The following BLNK variants were observed in gnomAD, a reference collection of about 807,000 sequenced individuals.
BLNK encodes the protein B-cell linker protein.
A neutral mutation model predicts 73.5 loss-of-function variants in BLNK; 29 were observed. The ratio of observed to expected loss-of-function variants is 0.39; its 90% confidence interval spans 0.29 to 0.54. BLNK has a LOEUF of 0.54. Among genes scored for constraint, BLNK ranks in the 20% least tolerant of loss-of-function variants. The pLI, the probability that BLNK is intolerant of heterozygous loss-of-function variation, is 0.61. For missense variants in BLNK, 460 were observed against 562.8 expected (o/e 0.82, Z 1.85); for synonymous variants, 176 against 200.8 (o/e 0.88, Z 1.04).
intron 9 of BLNK, among the ~76,000 whole-genome samples, chr10:96,208,719 A>G (rs1304112675): frequency 2.0e-5 from 3 of 152,212 alleles, no homozygotes; most frequent in Non-Finnish European, 4.4e-5. Flanking sequence ...TGAGAGCTGA[A>G]GTGTGGGGGA....
Position 96,216,752 on chromosome 10 carries a change from C to G in BLNK, c.526-18G>C. The G allele has an allele frequency of 3.7e-6, 6 of 1,605,692 alleles. No homozygotes were observed. Among genetic ancestry groups the G allele is most frequent in the Non-Finnish European group, 5.1e-6 (6 of 1,172,478 alleles). On this transcript the variant is annotated intron_variant, in intron 6 of 16. Transcript: ENST00000224337. ...TAATCAGCCTAACAGAAATACAAAA[C>G]TGAATGAGAAGAATGCTGTACATTC...
Position 96,200,986 on chromosome 10 carries a change from T to C in BLNK, c.1007A>G (p.Glu336Gly), listed in dbSNP as rs782317167. The change falls in exon 14 of 17, where the codon GAA becomes GGA. Residue 336 changes from glutamate (E) to glycine (G), a missense_variant. Glu to Gly is a moderately conservative substitution (Grantham distance 98, BLOSUM62 -2). Transcript: ENST00000224337. This position sits in a 1 kb window ranked among gnomAD's most constrained non-coding sequence, Gnocchi z 4.3. The stretch of plus-strand genomic sequence containing the variant: ...CATCAAGAGTTCATTTCATACCTGT[T>C]CTGAAATAGTGGAATTAGATGAAAA... ...PSFSSNSTIS[E>G]QEAGVLCKPW... 1.2e-6 allele frequency: 2 copies of C among 1,613,904 alleles called. No individual in the cohort carries two copies. Among genetic ancestry groups the C allele is most frequent in the South Asian group, 2.2e-5 (2 of 91,078 alleles).
rs782002822 is a variant in BLNK, at chr10:96,230,867, G to A, written c.164-33C>T. The stretch of plus-strand genomic sequence containing the variant: ...AGCAGGGGAGAAGCAGAAGGCACAA[G>A]TGTGAGCCTCAGCTGGCCAGCCCCA... On this transcript the variant is annotated intron_variant, in intron 3 of 16. Transcript: ENST00000224337. The A allele has an allele frequency of 2.5e-6, 4 of 1,607,040 alleles. No individual in the cohort carries two copies. The Admixed American group carries it at 5.1e-5, about 20-fold the overall frequency.
chr10:96,193,766 A>C (rs1296529507), intron 16 of BLNK, among the ~76,000 whole-genome samples: 2 of 152,200 alleles, frequency 1.3e-5, no homozygotes, highest in Non-Finnish European at 2.9e-5. Flanking sequence ...ACAGTGCCAA[A>C]ATAGCTGCAT....
In BLNK at chr10:96,200,069, TC is replaced by T; in HGVS notation, c.1095+5del. The T allele has an allele frequency of 1.3e-6, 2 of 1,519,860 alleles. No individual in the cohort carries two copies. The highest frequency in any genetic ancestry group is 1.4e-5 in the South Asian group (1 of 70,940). 94.1% of individuals were successfully genotyped at this position (1,519,860 alleles called of 1,614,324 possible). ...TAAAAATAATAAATAATAAAAATGA[TC>T]AGACCTTGTTTGATCTGTGCAATGC... On this transcript the variant is annotated splice_donor_5th_base_variant and intron_variant, in intron 15 of 16. Coordinates refer to ENST00000224337, the MANE Select transcript of BLNK (RefSeq NM_013314.4). This position sits in a 1 kb window ranked among gnomAD's most constrained non-coding sequence, Gnocchi z 4.3.
At chr10:96,204,493 A>G (rs782199404) in intron 12 of BLNK, 39 bp downstream of exon 12, 40 of 1,595,154 alleles carry the variant, frequency 2.5e-5, no homozygotes, top group Non-Finnish European at 3.3e-5. Context: ...TTCCTGCAGC[A>G]ACAAGAGGAA....
intron 1 of BLNK, among the ~76,000 whole-genome samples, chr10:96,266,701 A>G (rs946009701): frequency 6.6e-6 from 1 of 152,216 alleles, no homozygotes; most frequent in African/African-American, 2.4e-5. Flanking sequence ...CGGTCCAGGA[A>G]GTGGATCTAA....
In BLNK at chr10:96,191,799, G is replaced by T; in HGVS notation, c.*174C>A. On this transcript the variant is annotated 3_prime_UTR_variant, in exon 17 of 17. Coordinates refer to ENST00000224337, the MANE Select transcript of BLNK (RefSeq NM_013314.4). ...TTCATCAGGTCAGGCAATAGAACAA[G>T]TCCACATGAGCTTCTTAAAAAGAAA... 2 of 779,644 alleles carry T rather than the reference G, an allele frequency of 2.6e-6. No individual in the cohort carries two copies. Among genetic ancestry groups the T allele is most frequent in the Non-Finnish European group, 2.1e-6 (1 of 476,852 alleles). The allele number at this position is 779,644 out of a possible 1,614,324, so 48.3% of individuals were successfully genotyped here. A position where few individuals can be genotyped will look rare whatever the true frequency, so the allele number is the denominator to read the frequency against.
intron 8 of BLNK, among the ~76,000 whole-genome samples, chr10:96,211,542 C>T (rs1554898713): frequency 6.6e-6 from 1 of 152,230 alleles, no homozygotes; most frequent in East Asian, 1.9e-4. Flanking sequence ...GGCTTCTACT[C>T]AGAGCCCACT....
intron 4 of BLNK, 138 bp downstream of exon 4, chr10:96,230,656 C>T: frequency 1.0e-6 from 1 of 972,756 alleles, no homozygotes; most frequent in Non-Finnish European, 1.6e-6. Flanking sequence ...TGCAGTATGC[C>T]TTGCCTGTAG....
chr10:96,244,337 T>G (rs1554907071), intron 2 of BLNK, among the ~76,000 whole-genome samples: 2 of 152,220 alleles, frequency 1.3e-5, no homozygotes, highest in South Asian at 2.1e-4. Context: ...TATCCATTAT[T>G]ACTATCATTT....
intron 1 of BLNK, among the ~76,000 whole-genome samples, chr10:96,249,999 G>A (rs1163255165): frequency 1.3e-5 from 2 of 152,192 alleles, no homozygotes; most frequent in Non-Finnish European, 2.9e-5. Flanking sequence ...CTACGTAAGT[G>A]AGGTACCCAC....
At chr10:96,204,506 T>C in intron 12 of BLNK, 26 bp downstream of exon 12, 1 of 1,609,516 alleles carries the variant, frequency 6.2e-7, no homozygotes. Context: ...AAGAGGAAAC[T>C]GATCTTTAAA....
chr10:96,268,617 A>G (rs1370025081), intron 1 of BLNK, among the ~76,000 whole-genome samples: 2 of 152,112 alleles, frequency 1.3e-5, no homozygotes, highest in Non-Finnish European at 2.9e-5. Flanking sequence ...GTGATGACCC[A>G]TCCCCACTGG....
At chr10:96,241,015 C>A (rs140036203) in intron 3 of BLNK, among the ~76,000 whole-genome samples, 227 of 152,340 alleles carry the variant, frequency 1.5e-3, no homozygotes, top group African/African-American at 4.9e-3. Context: ...GTACTGGCAT[C>A]CCCTGACCAA....
At chr10:96,211,651 C>T (rs1372064485) in intron 8 of BLNK, among the ~76,000 whole-genome samples, 3 of 152,138 alleles carry the variant, frequency 2.0e-5, no homozygotes, top group African/African-American at 7.2e-5. Flanking sequence ...GAAGCAATGC[C>T]CCCTCCATGA....
In BLNK at chr10:96,246,339, G is replaced by A. The variant is rs970039262; in HGVS notation, c.113+645C>T. Among the ~76,000 whole-genome samples the A allele has an allele frequency of 2.0e-5, 3 of 152,112 alleles. 1 individual carries two copies. Among genetic ancestry groups the A allele is most frequent in the Admixed American group, 2.0e-4 (3 of 15,270 alleles). On this transcript the variant is annotated intron_variant, in intron 2 of 16. Transcript: ENST00000224337. ...AGGCTGAGGCGGGCGGATCACCTGA[G>A]GTCAGGAGTTCAAGACCAGCCTGAC... is the stretch of plus-strand genomic sequence containing the variant.
intron 3 of BLNK, among the ~76,000 whole-genome samples, chr10:96,234,583 A>C (rs1842629674): frequency 6.6e-6 from 1 of 152,212 alleles, no homozygotes; most frequent in African/African-American, 2.4e-5. Flanking sequence ...TCACCCGTAA[A>C]GCAAGGATAA....
At chr10:96,259,435 G>A (rs1457168355) in intron 1 of BLNK, among the ~76,000 whole-genome samples, 1 of 152,080 alleles carries the variant, frequency 6.6e-6, no homozygotes. Flanking sequence ...GCGGCCCTCT[G>A]GGGTCTGGAA....
Sources: allele counts gnomAD v4.1 joint callset (sites outside exome capture counted in the v4.1 genomes callset), GRCh38; gene constraint gnomAD v4.1.1; non-coding constraint Gnocchi (gnomAD v3.1); transcripts MANE v1.5; gene names NCBI Gene and HGNC (gene_info 2026-07-23, HGNC 2026-07-21).